Variants in SNRPB observed in about 807,000 individuals in gnomAD.
The protein encoded by SNRPB is small nuclear ribonucleoprotein-associated proteins B and B'.
A neutral mutation model predicts 26.6 loss-of-function variants in SNRPB; 5 were observed. That is an observed-to-expected ratio of 0.19 (90% CI 0.10 to 0.39). The LOEUF (loss-of-function observed/expected upper bound fraction) is 0.39, where lower values mean the gene tolerates loss of function less well. Among genes scored for constraint, SNRPB ranks in the 10% least tolerant of loss-of-function variants. The pLI, the probability that SNRPB is intolerant of heterozygous loss-of-function variation, is 1.00. For synonymous variants in SNRPB, 122 were observed against 105.8 expected, an observed-to-expected ratio of 1.15 and a Z score of -0.94; for missense variants, 211 against 311.9, an observed-to-expected ratio of 0.68 and a Z score of 2.44.
In SNRPB at chr20:2,462,782, G is replaced by T. The variant is rs747431086; in HGVS notation, c.560-21C>A. ...CATGCCTGCAAGAGAAAAGCCCCAA[G>T]AATATAGCTCAAGTGTCTATCTTGA... On this transcript the variant is annotated intron_variant, in intron 5 of 6. Transcript: ENST00000381342. 13 of 1,516,796 alleles carry T rather than the reference G, an allele frequency of 8.6e-6. No individual in the cohort carries two copies. The African/African-American group carries it at 1.5e-4, about 18-fold the overall frequency. 94.0% of individuals were successfully genotyped at this position (1,516,796 alleles called of 1,614,324 possible).
chr20:2,465,559 G>A (rs1170641306), intron 3 of SNRPB, 149 bp downstream of exon 3: 1 of 612,852 alleles, frequency 1.6e-6, no homozygotes, highest in African/African-American at 1.9e-5. Flanking sequence ...CTCTTGCAGG[G>A]TAACCTCTTT....
At position 2,463,785 on chromosome 20, in the gene SNRPB, C is replaced by G; in HGVS notation, c.382G>C (p.Ala128Pro). ...VPMPQAPAGL[A>P]GPVRGVGGPS... Reference sequence around the variant, plus strand: ...CCGCCAACCCCACGGACTGGCCCAGCAAGTCCTGCAGGAGCCTGGGGCATG... The same window carrying G: ...CCGCCAACCCCACGGACTGGCCCAGGAAGTCCTGCAGGAGCCTGGGGCATG... Residue 128 changes from alanine (A) to proline (P), a missense_variant, in exon 4 of 7, where the codon GCT (alanine) becomes CCT (proline). Coordinates refer to ENST00000381342, the MANE Select transcript of SNRPB (RefSeq NM_003091.4). The surrounding 1 kb of genome is among the most constrained non-coding windows in gnomAD (Gnocchi z 5.0). 1 of 1,609,456 alleles carries G rather than the reference C, an allele frequency of 6.2e-7. No homozygotes were observed. Among genetic ancestry groups the G allele is most frequent in the South Asian group, 1.1e-5 (1 of 90,646 alleles).
At position 2,461,905 on chromosome 20, in the gene SNRPB, A is replaced by G. The variant is rs757015050; in HGVS notation, c.*24T>C. 1.2e-6 allele frequency: 2 copies of G among 1,613,796 alleles called. No homozygotes were observed. Among genetic ancestry groups the G allele is most frequent in the South Asian group, 2.2e-5 (2 of 91,044 alleles). ...ATCGAGCCCACGCCTCTGCGGAGCT[A>G]CTTCCATACTCTGTGGCCAAGGGTC... On this transcript the variant is annotated 3_prime_UTR_variant, in exon 7 of 7. Coordinates refer to ENST00000381342, the MANE Select transcript of SNRPB (RefSeq NM_003091.4).
At chr20:2,466,879 A>G (rs962282986) in intron 2 of SNRPB, among the ~76,000 whole-genome samples, 15 of 152,226 alleles carry the variant, frequency 9.9e-5, no homozygotes, top group African/African-American at 3.4e-4. Context: ...AGAAGAAATC[A>G]GCCCCAAGGA....
rs770168058 is a variant in SNRPB, at chr20:2,467,600, T to G, written c.155+7A>C. On this transcript the variant is annotated splice_region_variant and intron_variant, in intron 2 of 6. Coordinates refer to ENST00000381342, the MANE Select transcript of SNRPB (RefSeq NM_003091.4). Reference sequence around the variant, plus strand: ...CCAGTCTCCGCCCCCCACAGTCCACTCCTCACTTGATCTTTCTGAACTCAT... The same window carrying G: ...CCAGTCTCCGCCCCCCACAGTCCACGCCTCACTTGATCTTTCTGAACTCAT... 2.9e-5 allele frequency: 47 copies of G among 1,613,548 alleles called. No individual in the cohort carries two copies. Among genetic ancestry groups the G allele is most frequent in the Non-Finnish European group, 3.6e-5 (43 of 1,179,646 alleles).
At chr20:2,465,407 CTT>C (rs11475117) in intron 3 of SNRPB, among the ~76,000 whole-genome samples, 31 of 127,818 alleles carry the variant, frequency 2.4e-4, no homozygotes, top group East Asian at 9.0e-4. Context: ...TTTTTTTTGT[CTT>C]TTTTTTTTTC....
rs893480709 is a variant in SNRPB, at chr20:2,463,325, C to A, written c.421-98G>T. On this transcript the variant is annotated intron_variant, in intron 4 of 6. Coordinates refer to ENST00000381342, the MANE Select transcript of SNRPB (RefSeq NM_003091.4). This position sits in a 1 kb window ranked among gnomAD's most constrained non-coding sequence, Gnocchi z 5.0. ...GGGAAGGACAGTGGGAAATAACAGA[C>A]ACCAAATCCCTTAATGCTACAACTC... 1.3e-5 allele frequency: 12 copies of A among 890,394 alleles called. No individual in the cohort carries two copies. The highest frequency in any genetic ancestry group is 2.1e-5 in the Non-Finnish European group (11 of 533,934). The allele number at this position is 890,394 out of a possible 1,614,324, so 55.2% of individuals were successfully genotyped here. A position where few individuals can be genotyped will look rare whatever the true frequency, so the allele number is the denominator to read the frequency against.
At chr20:2,466,490 A>G (rs921755447) in intron 2 of SNRPB, among the ~76,000 whole-genome samples, 2 of 152,236 alleles carry the variant, frequency 1.3e-5, no homozygotes, top group Admixed American at 6.5e-5. Context: ...AGCTAAAGCT[A>G]GATCCTAAAA....
intron 6 of SNRPB, 38 bp downstream of exon 6, chr20:2,462,598 T>C (rs755162268): frequency 8.2e-6 from 13 of 1,593,626 alleles, no homozygotes; most frequent in African/African-American, 2.7e-5. Context: ...CACTAGGCTC[T>C]AGGGAAAGAA....
intron 1 of SNRPB, among the ~76,000 whole-genome samples, chr20:2,469,628 G>A (rs1600003558): frequency 6.6e-6 from 1 of 152,218 alleles, no homozygotes; most frequent in Non-Finnish European, 1.5e-5. Context: ...GGGAGGTGGA[G>A]TTTGCAGTGA....
At position 2,470,709 on chromosome 20, in the gene SNRPB, T is replaced by C; in HGVS notation, c.-19A>G. On this transcript the variant is annotated 5_prime_UTR_variant, in exon 1 of 7. Coordinates refer to ENST00000381342, the MANE Select transcript of SNRPB (RefSeq NM_003091.4). Reference sequence around the variant, plus strand: ...TTACCATGGTGGCGGTTCTGATGGCTCTGATACCCGCCGGATTCGCCTCCT... The same window carrying C: ...TTACCATGGTGGCGGTTCTGATGGCCCTGATACCCGCCGGATTCGCCTCCT... The C allele has an allele frequency of 6.2e-7, 1 of 1,613,318 alleles. No homozygotes were observed. The highest frequency in any genetic ancestry group is 8.5e-7 in the Non-Finnish European group (1 of 1,179,998).
intron 1 of SNRPB, among the ~76,000 whole-genome samples, chr20:2,470,360 G>A (rs562972840): frequency 6.6e-6 from 1 of 152,334 alleles, no homozygotes; most frequent in African/African-American, 2.4e-5. Flanking sequence ...CTGCTCCGAA[G>A]CCCGGGACAT....
At chr20:2,465,849 A>C in intron 2 of SNRPB, 30 bp from the exon 3 acceptor site, 1 of 1,579,244 alleles carries the variant, frequency 6.3e-7, no homozygotes, top group Non-Finnish European at 8.7e-7. Flanking sequence ...GAACAAAAAA[A>C]GTGTTAGAGG....
rs764194692 is a variant in SNRPB at position 2,462,639 on chromosome 20, G to T, written c.682C>A (p.Arg228=). The change falls in exon 6 of 7, where the codon CGA becomes AGA. Residue 228 remains arginine (R), a synonymous_variant. Coordinates refer to ENST00000381342, the MANE Select transcript of SNRPB (RefSeq NM_003091.4). ...AGTCACCACTGCAGGCACTTACCTCGCATCCCAGGGGGAGGAGGCCGCATT... is the reference window on the plus strand; with the variant it reads ...AGTCACCACTGCAGGCACTTACCTCTCATCCCAGGGGGAGGAGGCCGCATT... ...PGMRPPPPGM[R]GLL 1 of 1,612,536 alleles carries T rather than the reference G, an allele frequency of 6.2e-7. No individual in the cohort carries two copies. The highest frequency in any genetic ancestry group is 1.7e-5 in the Admixed American group (1 of 60,000).
In SNRPB at chr20:2,470,722, G is replaced by T. The variant is rs767276536; in HGVS notation, c.-32C>A. 4 of 1,612,238 alleles carry T rather than the reference G, an allele frequency of 2.5e-6. No individual in the cohort carries two copies. In the African/African-American group the frequency reaches 4.0e-5, roughly 16 times the overall value. ...GGTTCTGATGGCTCTGATACCCGCC[G>T]GATTCGCCTCCTCAGAGGCCTAGCC... On this transcript the variant is annotated 5_prime_UTR_variant, in exon 1 of 7. Coordinates refer to ENST00000381342, the MANE Select transcript of SNRPB (RefSeq NM_003091.4).
chr20:2,467,476 A>T, intron 2 of SNRPB, 131 bp downstream of exon 2: 1 of 801,314 alleles, frequency 1.2e-6, no homozygotes, highest in Non-Finnish European at 2.0e-6. Flanking sequence ...GTCCCCATTT[A>T]AGTCTGCCCT....
chr20:2,461,791 G>A lies in SNRPB; in HGVS notation c.*138C>T. 6.2e-7 allele frequency: 1 copy of A among 1,612,576 alleles called. No homozygotes were observed. Among genetic ancestry groups the A allele is most frequent in the South Asian group, 1.1e-5 (1 of 90,884 alleles). On this transcript the variant is annotated 3_prime_UTR_variant, in exon 7 of 7. Coordinates refer to ENST00000381342, the MANE Select transcript of SNRPB (RefSeq NM_003091.4). The stretch of plus-strand genomic sequence containing the variant: ...GGTGGGCGCATTCCCGGGGGAGGGG[G>A]CCCTGTAAGGGAAACCAGACAATCC...
At chr20:2,465,132 T>C (rs893643331) in intron 3 of SNRPB, among the ~76,000 whole-genome samples, 2 of 152,324 alleles carry the variant, frequency 1.3e-5, no homozygotes, top group African/African-American at 2.4e-5. Flanking sequence ...ACTGAAGTGG[T>C]TGGCGCAAGG....
chr20:2,462,286 G>A (rs916780696), intron 6 of SNRPB, among the ~76,000 whole-genome samples: 2 of 152,112 alleles, frequency 1.3e-5, no homozygotes, highest in Non-Finnish European at 2.9e-5. Context: ...ATCCATAATA[G>A]TACAGCAAAG....
Sources: gnomAD v4.1 joint callset for allele counts (sites outside exome capture counted in the v4.1 genomes callset) on GRCh38, gnomAD v4.1.1 for gene constraint, Gnocchi (gnomAD v3.1) non-coding constraint, MANE v1.5 for transcripts, NCBI Gene and HGNC (gene_info 2026-07-23, HGNC 2026-07-21) for gene names.